Variants in ANK1 observed in about 807,000 individuals in gnomAD.
ANK1 encodes the protein ankyrin 1, also known as ankyrin-1.
Under a neutral mutation model 210.4 loss-of-function variants are expected in ANK1, and 51 were observed. That is an observed-to-expected ratio of 0.24 (90% confidence interval 0.19 to 0.31). ANK1 has a LOEUF of 0.31. Among genes scored for constraint, ANK1 ranks in the 10% least tolerant of loss-of-function variants. The pLI is 1.00. For missense variants in ANK1, 2,051 were observed against 2,504.4 expected (o/e 0.82, Z 3.86); for synonymous variants, 967 against 1,025.9 (o/e 0.94, Z 1.10).
At chr8:41,886,229 AG>A (rs1234491378) in intron 1 of ANK1, among the ~76,000 whole-genome samples, 1 of 152,198 alleles carries the variant, frequency 6.6e-6, no homozygotes, top group East Asian at 1.9e-4. Flanking sequence ...GGCAGCCCCA[AG>A]GTGGATATGG....
rs55653901 is a variant in ANK1 at position 41,721,656 on chromosome 8, C to CAA, written c.909+1467_909+1468dup. ...TGGGTGACTGAGTGAGACTTCATCT[C>CAA]AAAAAAAAAAAAAAAAAAAAAAAAA... On this transcript the variant is annotated intron_variant, in intron 9 of 42. Coordinates refer to ENST00000289734, the MANE Select transcript of ANK1 (RefSeq NM_000037.4). Among the ~76,000 whole-genome samples the CAA allele has an allele frequency of 7.4e-5, 8 of 108,114 alleles. 1 individual carries two copies. Among genetic ancestry groups the CAA allele is most frequent in the Admixed American group, 9.6e-5 (1 of 10,376 alleles). 70.9% of individuals were successfully genotyped at this position (108,114 alleles called of 152,430 possible).
At chr8:41,771,809 C>T (rs1184003681) in intron 1 of ANK1, among the ~76,000 whole-genome samples, 1 of 152,186 alleles carries the variant, frequency 6.6e-6, no homozygotes, top group Non-Finnish European at 1.5e-5. Flanking sequence ...CTTAAACCCC[C>T]AGCTCGCTCC....
In ANK1 at chr8:41,694,219, T is replaced by A; in HGVS notation, c.3328-117A>T. The A allele has an allele frequency of 1.8e-6, 2 of 1,119,784 alleles. No homozygotes were observed. The highest frequency in any genetic ancestry group is 2.6e-6 in the Non-Finnish European group (2 of 782,402). The allele number at this position is 1,119,784 out of a possible 1,614,324, so 69.4% of individuals were successfully genotyped here. ...CAGTGCACGGGGTCCCGCCCTGCTG[T>A]TGGACCACAGAACCGACACGGTGGA... On this transcript the variant is annotated intron_variant, in intron 28 of 42. Transcript: ENST00000289734. The surrounding 1 kb of genome is among the most constrained non-coding windows in gnomAD (Gnocchi z 5.7).
At chr8:41,722,996 A>C in intron 9 of ANK1, 129 bp downstream of exon 9, 1 of 865,300 alleles carries the variant, frequency 1.2e-6, no homozygotes, top group South Asian at 1.4e-5. Flanking sequence ...GCCTTGTAAT[A>C]AATGTCAAAG....
chr8:41,816,791 T>C (rs976041908), intron 1 of ANK1, among the ~76,000 whole-genome samples: 1 of 152,236 alleles, frequency 6.6e-6, no homozygotes, highest in Non-Finnish European at 1.5e-5. Context: ...CTTTGGTTAA[T>C]TTCTCTTTTT....
At chr8:41,669,600 C>T (rs1423425397) in intron 38 of ANK1, among the ~76,000 whole-genome samples, 2 of 152,186 alleles carry the variant, frequency 1.3e-5, no homozygotes, top group Admixed American at 1.3e-4. Context: ...CTGCTGCCAT[C>T]CCTGGTATCT....
intron 37 of ANK1, 122 bp downstream of exon 37, chr8:41,684,422 T>A: frequency 6.8e-7 from 1 of 1,478,662 alleles, no homozygotes; most frequent in South Asian, 1.1e-5. Context: ...AAACCAGACC[T>A]CCCACCAATG....
chr8:41,857,946 G>A (rs1005770704), intron 1 of ANK1, among the ~76,000 whole-genome samples: 8 of 149,682 alleles, frequency 5.3e-5, no homozygotes, highest in African/African-American at 7.6e-5. Flanking sequence ...CCACCAAGGG[G>A]GCCAGGTATA....
chr8:41,765,154 C>T (rs1482136367), intron 1 of ANK1, among the ~76,000 whole-genome samples: 1 of 147,138 alleles, frequency 6.8e-6, no homozygotes, highest in Non-Finnish European at 1.5e-5. Context: ...TTTCCTTCTT[C>T]CTTCCTTTCC....
chr8:41,851,954 A>T (rs1025726638), intron 1 of ANK1, among the ~76,000 whole-genome samples: 5 of 152,168 alleles, frequency 3.3e-5, no homozygotes, highest in Admixed American at 3.3e-4. Flanking sequence ...CACAAGCAAG[A>T]TCATATTCAT....
intron 9 of ANK1, 81 bp from the exon 10 acceptor site, chr8:41,719,939 T>C: frequency 6.8e-7 from 1 of 1,472,206 alleles, no homozygotes; most frequent in East Asian, 2.3e-5. Context: ...CCAACGTCAC[T>C]CCCTACTTCT....
chr8:41,808,387 A>C (rs1851277537), intron 1 of ANK1, among the ~76,000 whole-genome samples: 1 of 152,194 alleles, frequency 6.6e-6, no homozygotes. Flanking sequence ...GTTGTAAGTA[A>C]GGCACAGTGC....
intron 35 of ANK1, among the ~76,000 whole-genome samples, 185 bp downstream of exon 35, chr8:41,687,971 G>C (rs929028729): frequency 6.6e-6 from 1 of 152,196 alleles, no homozygotes; most frequent in Admixed American, 6.5e-5. Flanking sequence ...TGGAGGCAGG[G>C]GGCTCCCCCT....
At chr8:41,689,203 A>T (rs1464927380) in intron 33 of ANK1, among the ~76,000 whole-genome samples, 1 of 152,068 alleles carries the variant, frequency 6.6e-6, no homozygotes, top group Non-Finnish European at 1.5e-5. Flanking sequence ...GCTCCACTGC[A>T]GCCTCAAACT....
chr8:41,846,083 G>A, intron 1 of ANK1, among the ~76,000 whole-genome samples: 1 of 152,356 alleles, frequency 6.6e-6, no homozygotes, highest in South Asian at 2.1e-4. Flanking sequence ...TCCATAAACT[G>A]AGGGATGCTG....
At chr8:41,882,881 G>A (rs1354220683) in intron 1 of ANK1, among the ~76,000 whole-genome samples, 1 of 152,338 alleles carries the variant, frequency 6.6e-6, no homozygotes, top group Admixed American at 6.5e-5. Context: ...GCAACTTGGC[G>A]CTGTGTGACA....
intron 37 of ANK1, among the ~76,000 whole-genome samples, chr8:41,681,663 G>A (rs1248637424): frequency 6.6e-6 from 1 of 152,218 alleles, no homozygotes; most frequent in African/African-American, 2.4e-5. Flanking sequence ...GCATTGGGCT[G>A]GTTGGGCACC....
chr8:41,776,230 C>T (rs892180422), intron 1 of ANK1, among the ~76,000 whole-genome samples: 5 of 152,062 alleles, frequency 3.3e-5, no homozygotes, highest in Non-Finnish European at 5.9e-5. Flanking sequence ...TAGGTGCAAC[C>T]GGGGCATCTT....
At chr8:41,718,347 G>T in intron 10 of ANK1, 143 bp from the exon 11 acceptor site, 1 of 724,762 alleles carries the variant, frequency 1.4e-6, no homozygotes, top group Non-Finnish European at 2.4e-6. Context: ...ACGAATTAAT[G>T]CCAATTGATT....
Sources: allele counts gnomAD v4.1 joint callset (sites outside exome capture counted in the v4.1 genomes callset), GRCh38; gene constraint gnomAD v4.1.1; non-coding constraint Gnocchi (gnomAD v3.1); transcripts MANE v1.5; gene names NCBI Gene and HGNC (gene_info 2026-07-23, HGNC 2026-07-21).